HNF4A: variants seen among roughly 807,000 people sequenced by gnomAD.
HNF4A encodes the protein hepatocyte nuclear factor 4-alpha.
HNF4A carries 15 observed loss-of-function variants against 52.4 expected under a neutral mutation model. The ratio of observed to expected loss-of-function variants is 0.29; its 90% confidence interval spans 0.19 to 0.44. The LOEUF is 0.44. Ranked by LOEUF, HNF4A falls within the 20% of genes least tolerant of loss-of-function variation. HNF4A has a pLI of 1.00. For synonymous variants in HNF4A, 280 were observed against 264.4 expected (o/e 1.06, Z -0.57); for missense variants, 479 against 647.2 (o/e 0.74, Z 2.82).
At chr20:44,408,541 A>G (rs2063535244) in intron 3 of HNF4A, among the ~76,000 whole-genome samples, 1 of 152,102 alleles carries the variant, frequency 6.6e-6, no homozygotes, top group South Asian at 2.1e-4. Context: ...CCTGACCAAC[A>G]TGGTAAAACC....
downstream of HNF4A, chr20:44,434,518 C>CGGGGGGGGGGGGG (rs67424811): frequency 1.4e-5 from 1 of 73,870 alleles, no homozygotes; most frequent in African/African-American, 4.7e-5. Flanking sequence ...GGGACAAGCG[C>CGGGGGGGGGGGGG]GGGGGGGGGG....
chr20:44,382,799 A>C (rs1434701243), intron 1 of HNF4A, among the ~76,000 whole-genome samples: 5 of 152,162 alleles, frequency 3.3e-5, no homozygotes, highest in Non-Finnish European at 5.9e-5. Flanking sequence ...TCCCATCTAC[A>C]CTAAATAAAT....
At position 44,406,046 on chromosome 20, in the gene HNF4A, C is replaced by G. The variant is rs755141117; in HGVS notation, c.116-12C>G. 3 of 1,611,356 alleles carry G rather than the reference C, an allele frequency of 1.9e-6. No individual in the cohort carries two copies. Among genetic ancestry groups the G allele is most frequent in the Non-Finnish European group, 2.5e-6 (3 of 1,179,510 alleles). ...TCTTCCTGAAGCCTCACTCCCTTCTCTCCTGGCGCAGACACGTCCCCATCA... is the reference window on the plus strand; with the variant it reads ...TCTTCCTGAAGCCTCACTCCCTTCTGTCCTGGCGCAGACACGTCCCCATCA... On this transcript the variant is annotated splice_polypyrimidine_tract_variant and intron_variant, in intron 1 of 9. Transcript: ENST00000316099.
intron 1 of HNF4A, among the ~76,000 whole-genome samples, chr20:44,368,500 T>TA (rs2062997184): frequency 6.6e-6 from 1 of 151,848 alleles, no homozygotes; most frequent in Admixed American, 6.6e-5. Context: ...CACTGGGCCC[T>TA]ACTGGGATGG....
At chr20:44,416,757 C>T (rs11906986) in intron 5 of HNF4A, among the ~76,000 whole-genome samples, 1 of 152,230 alleles carries the variant, frequency 6.6e-6, no homozygotes, top group African/African-American at 2.4e-5. Flanking sequence ...TTATTGAAGG[C>T]TTATTTTGTG....
intron 2 of HNF4A, among the ~76,000 whole-genome samples, 186 bp downstream of exon 2, chr20:44,406,418 T>G (rs1228755898): frequency 6.6e-6 from 1 of 152,252 alleles, no homozygotes; most frequent in South Asian, 2.1e-4. Flanking sequence ...CCACATTTAC[T>G]GATCATCAAG....
At chr20:44,416,648 G>A (rs891115251) in intron 5 of HNF4A, among the ~76,000 whole-genome samples, 1 of 152,242 alleles carries the variant, frequency 6.6e-6, no homozygotes, top group Non-Finnish European at 1.5e-5. Flanking sequence ...GAAGGGGCAA[G>A]GACAAGTGGC....
chr20:44,404,239 C>A (rs1323436202), intron 1 of HNF4A, among the ~76,000 whole-genome samples: 1 of 152,154 alleles, frequency 6.6e-6, no homozygotes, highest in Non-Finnish European at 1.5e-5. Flanking sequence ...ATCCCCATAA[C>A]GAACCTAGGG....
chr20:44,410,897 G>A (rs11574736), intron 3 of HNF4A, among the ~76,000 whole-genome samples: 2 of 151,814 alleles, frequency 1.3e-5, no homozygotes, highest in African/African-American at 4.8e-5. Context: ...ACTTTCTCTC[G>A]ACCACAGAGA....
chr20:44,381,101 T>A (rs1378838786), intron 1 of HNF4A, among the ~76,000 whole-genome samples: 1 of 152,204 alleles, frequency 6.6e-6, no homozygotes, highest in Non-Finnish European at 1.5e-5. Context: ...GTTGACCATT[T>A]AGCTTGGGCT....
intron 1 of HNF4A, chr20:44,402,638 C>G: frequency 2.4e-5 from 32 of 1,359,976 alleles, no homozygotes; most frequent in Non-Finnish European, 3.1e-5. Context: ...CAGTTCTCCA[C>G]AGGGAGGTAG....
rs1244311232 is a variant in HNF4A, at chr20:44,401,361, G to C, written c.-12G>C. 6.2e-7 allele frequency: 1 copy of C among 1,613,932 alleles called. No homozygotes were observed. Among genetic ancestry groups the C allele is most frequent in the Non-Finnish European group, 8.5e-7 (1 of 1,180,008 alleles). The stretch of plus-strand genomic sequence containing the variant: ...GGGTAGGGCAGGTGGCCGCGGCGTG[G>C]AGGCAGGGAGAATGCGACTCTCCAA... On this transcript the variant is annotated 5_prime_UTR_variant, in exon 1 of 10. Coordinates refer to ENST00000316099, the MANE Select transcript of HNF4A (RefSeq NM_000457.6).
intron 1 of HNF4A, 97 bp downstream of exon 1, chr20:44,355,950 C>T (rs749677730): frequency 5.6e-6 from 6 of 1,075,888 alleles, no homozygotes; most frequent in Non-Finnish European, 8.1e-6. Flanking sequence ...GGGCCCAAAG[C>T]TCCTCCTGGA....
chr20:44,396,306 G>A (rs2063352773), upstream of HNF4A, among the ~76,000 whole-genome samples: 1 of 152,052 alleles, frequency 6.6e-6, no homozygotes, highest in South Asian at 2.1e-4. Context: ...TTAGCACCAG[G>A]GCTAGCACAA....
intron 2 of HNF4A, among the ~76,000 whole-genome samples, chr20:44,406,445 A>G (rs980948692): frequency 6.6e-6 from 1 of 152,208 alleles, no homozygotes; most frequent in Admixed American, 6.5e-5. Flanking sequence ...GCTGCCGTTT[A>G]TTGAGCTCTT....
chr20:44,402,137 T>C (rs1282342536), intron 1 of HNF4A, among the ~76,000 whole-genome samples: 1 of 151,548 alleles, frequency 6.6e-6, no homozygotes, highest in Non-Finnish European at 1.5e-5. Context: ...GTGTGTTCAT[T>C]TGTCTCTGTG....
rs768316428 is a variant in HNF4A at position 44,419,847 on chromosome 20, A to T, written c.863A>T (p.Tyr288Phe). The T allele has an allele frequency of 6.2e-7, 1 of 1,614,062 alleles. No individual in the cohort carries two copies. Among genetic ancestry groups the T allele is most frequent in the South Asian group, 1.1e-5 (1 of 91,072 alleles). Residue 288 changes from tyrosine (Y) to phenylalanine (F), a missense_variant, in exon 7 of 10, where the codon TAC becomes TTC. Transcript: ENST00000316099. ...CAGATCGATGACAATGAGTATGCCT[A>T]CCTCAAAGCCATCATCTTCTTTGAC...
chr20:44,413,513 A>G (rs1165236530), intron 3 of HNF4A, among the ~76,000 whole-genome samples, 181 bp from the exon 4 acceptor site: 2 of 151,868 alleles, frequency 1.3e-5, no homozygotes, highest in Non-Finnish European at 2.9e-5. Context: ...GGCAGTTGTG[A>G]TATGTGGAAA....
At chr20:44,375,135 G>A (rs1022214971) in intron 1 of HNF4A, among the ~76,000 whole-genome samples, 1 of 151,102 alleles carries the variant, frequency 6.6e-6, no homozygotes, top group Non-Finnish European at 1.5e-5. Context: ...CTGATGATTA[G>A]TGATGTTGAA....
Sources: gnomAD v4.1 joint callset for allele counts (sites outside exome capture counted in the v4.1 genomes callset) on GRCh38, gnomAD v4.1.1 for gene constraint, MANE v1.5 for transcripts, NCBI Gene and HGNC (gene_info 2026-07-23, HGNC 2026-07-21) for gene names.